Variants in TMCO4 observed in about 807,000 individuals in gnomAD.
TMCO4 encodes transmembrane and coiled-coil domains 4, also known as transmembrane and coiled-coil domain-containing protein 4.
Under a neutral mutation model 64.7 loss-of-function variants are expected in TMCO4, and 58 were observed. The ratio of observed to expected loss-of-function variants is 0.90; its 90% confidence interval spans 0.73 to 1.12. TMCO4 has a LOEUF of 1.12. Among genes scored for constraint, TMCO4 ranks in the 50% most tolerant of loss-of-function variants. The pLI, the probability that TMCO4 is intolerant of heterozygous loss-of-function variation, is 0.00. For missense variants in TMCO4, 780 were observed against 825.9 expected, an observed-to-expected ratio of 0.94 and a Z score of 0.68; for synonymous variants, 325 against 346.1, an observed-to-expected ratio of 0.94 and a Z score of 0.68.
intron 13 of TMCO4, among the ~76,000 whole-genome samples, chr1:19,703,283 A>T (rs910748335): frequency 6.6e-6 from 1 of 152,206 alleles, no homozygotes; most frequent in African/African-American, 2.4e-5. Flanking sequence ...GAGGATGATG[A>T]TGCTGGCCTT....
chr1:19,769,035 C>T (rs903817306), intron 6 of TMCO4, among the ~76,000 whole-genome samples: 2 of 152,208 alleles, frequency 1.3e-5, no homozygotes, highest in Non-Finnish European at 2.9e-5. Context: ...ACGTGCATGG[C>T]CAAGCACGCA....
intron 10 of TMCO4, among the ~76,000 whole-genome samples, chr1:19,741,210 T>G (rs1408347705): frequency 7.9e-5 from 12 of 152,248 alleles, no homozygotes; most frequent in Non-Finnish European, 1.5e-5. Flanking sequence ...TGCCTCACTT[T>G]GCTTCTATGT....
At chr1:19,785,906 G>C (rs567701623) in intron 3 of TMCO4, among the ~76,000 whole-genome samples, 40 of 152,300 alleles carry the variant, frequency 2.6e-4, no homozygotes, top group African/African-American at 9.4e-4. Context: ...AGAAGTCACA[G>C]GCTGGGTGGA....
intron 14 of TMCO4, among the ~76,000 whole-genome samples, chr1:19,695,429 G>T (rs995972222): frequency 6.6e-6 from 1 of 152,242 alleles, no homozygotes; most frequent in African/African-American, 2.4e-5. Context: ...CTGCGCACAG[G>T]CAAGCTTCTG....
rs745601650 is a variant in TMCO4 at position 19,780,780 on chromosome 1, T to C, written c.-8-14A>G. 1 of 1,543,072 alleles carries C rather than the reference T, an allele frequency of 6.5e-7. No individual in the cohort carries two copies. The highest frequency in any genetic ancestry group is 8.7e-7 in the Non-Finnish European group (1 of 1,148,274). On this transcript the variant is annotated splice_polypyrimidine_tract_variant and intron_variant, in intron 3 of 15. Coordinates refer to ENST00000294543, the MANE Select transcript of TMCO4 (RefSeq NM_181719.7). ...CCATTCCCAGCGCTGCAGGAGAAAA[T>C]TCCCAGTGAGAAATGCTTCCAGAGG... is the stretch of plus-strand genomic sequence containing the variant.
chr1:19,694,592 C>T, intron 14 of TMCO4, 41 bp from the exon 15 acceptor site: 1 of 1,591,730 alleles, frequency 6.3e-7, no homozygotes. Context: ...TAGCACCAGC[C>T]TCGGACAGCC....
intron 1 of TMCO4, chr1:19,799,475 C>T (rs1452449650): frequency 6.6e-6 from 1 of 152,360 alleles, no homozygotes; most frequent in East Asian, 1.9e-4. Context: ...AGCCCCCTTC[C>T]TCTCTGACCT....
chr1:19,728,686 G>A (rs1392184603), intron 13 of TMCO4, among the ~76,000 whole-genome samples: 4 of 152,162 alleles, frequency 2.6e-5, no homozygotes, highest in Non-Finnish European at 4.4e-5. Context: ...TCCTACCTCC[G>A]TCTGCATGAA....
chr1:19,783,107 G>C (rs1302332760), intron 3 of TMCO4, among the ~76,000 whole-genome samples: 1 of 152,196 alleles, frequency 6.6e-6, no homozygotes, highest in East Asian at 1.9e-4. Flanking sequence ...CTGGCACATA[G>C]CAAAGGTTTA....
chr1:19,710,359 T>A (rs1329730138), intron 13 of TMCO4, among the ~76,000 whole-genome samples: 1 of 151,762 alleles, frequency 6.6e-6, no homozygotes, highest in Non-Finnish European at 1.5e-5. Flanking sequence ...GCAATCTTCC[T>A]GCCTCAGCCT....
rs2095446284 is a variant in TMCO4 at position 19,734,786 on chromosome 1, G to A, written c.1264+2586C>T. Among the ~76,000 whole-genome samples, 1 of 152,150 alleles carries A rather than the reference G, an allele frequency of 6.6e-6. No individual in the cohort carries two copies. Among genetic ancestry groups the A allele is most frequent in the African/African-American group, 2.4e-5 (1 of 41,446 alleles). On this transcript the variant is annotated intron_variant, in intron 13 of 15. Transcript: ENST00000294543. The surrounding 1 kb of genome is among the most constrained non-coding windows in gnomAD (Gnocchi z 4.4). ...CTCCAGGGCCAGACTCCCTGGGCCTGAATCCTGGCTCTGGCACTTAGGATT... is the reference window on the plus strand; with the variant it reads ...CTCCAGGGCCAGACTCCCTGGGCCTAAATCCTGGCTCTGGCACTTAGGATT...
chr1:19,728,757 G>C (rs1173707338), intron 13 of TMCO4, among the ~76,000 whole-genome samples: 1 of 152,204 alleles, frequency 6.6e-6, no homozygotes, highest in African/African-American at 2.4e-5. Flanking sequence ...TCTCACCCAA[G>C]CACCCTCAGA....
chr1:19,748,667 A>C (rs757372804), intron 7 of TMCO4, among the ~76,000 whole-genome samples: 50 of 152,010 alleles, frequency 3.3e-4, no homozygotes, highest in Non-Finnish European at 6.2e-4. Flanking sequence ...TCTACTAAAA[A>C]CACAAAAATT....
chr1:19,711,015 C>T (rs2095328366), intron 13 of TMCO4, among the ~76,000 whole-genome samples: 1 of 152,164 alleles, frequency 6.6e-6, no homozygotes, highest in African/African-American at 2.4e-5. Context: ...AGGCAATTGG[C>T]CCACATCCTG....
chr1:19,751,875 A>T (rs910422673), intron 7 of TMCO4, among the ~76,000 whole-genome samples: 4 of 151,848 alleles, frequency 2.6e-5, no homozygotes, highest in Admixed American at 6.6e-5. Flanking sequence ...GATGAAACCC[A>T]GTCTCTACTA....
At chr1:19,799,648 C>T (rs1049413554) in intron 1 of TMCO4, among the ~76,000 whole-genome samples, 5 of 152,236 alleles carry the variant, frequency 3.3e-5, no homozygotes, top group African/African-American at 1.2e-4. Flanking sequence ...CAACCACCAG[C>T]AGGCGGCCTG....
chr1:19,783,376 G>C (rs1187509744), intron 3 of TMCO4, among the ~76,000 whole-genome samples: 1 of 152,222 alleles, frequency 6.6e-6, no homozygotes, highest in Non-Finnish European at 1.5e-5. Flanking sequence ...GAGTCTTCTA[G>C]TCTAATAACC....
intron 2 of TMCO4, among the ~76,000 whole-genome samples, chr1:19,788,321 T>C (rs1416289902): frequency 6.6e-6 from 1 of 152,102 alleles, no homozygotes; most frequent in Non-Finnish European, 1.5e-5. Context: ...ATCAGAGACT[T>C]TTCTGTATTT....
At chr1:19,768,797 C>A (rs1290842251) in intron 6 of TMCO4, among the ~76,000 whole-genome samples, 1 of 152,018 alleles carries the variant, frequency 6.6e-6, no homozygotes. Flanking sequence ...GGATTCCACG[C>A]AGATCCCAAT....
Sources: gnomAD v4.1 joint callset for allele counts (sites outside exome capture counted in the v4.1 genomes callset) on GRCh38, gnomAD v4.1.1 for gene constraint, Gnocchi (gnomAD v3.1) non-coding constraint, MANE v1.5 for transcripts, NCBI Gene and HGNC (gene_info 2026-07-23, HGNC 2026-07-21) for gene names.